DLGAP2: variants seen among roughly 807,000 people sequenced by gnomAD.
DLGAP2 encodes the protein disks large-associated protein 2.
A neutral mutation model predicts 100.3 loss-of-function variants in DLGAP2; 26 were observed. That is an observed-to-expected ratio of 0.26 (90% confidence interval 0.19 to 0.36). The LOEUF is 0.36. Among genes scored for constraint, DLGAP2 ranks in the 10% least tolerant of loss-of-function variants. The pLI, the probability that DLGAP2 is intolerant of heterozygous loss-of-function variation, is 1.00. For missense variants in DLGAP2, 1,858 were observed against 1,453.2 expected, an observed-to-expected ratio of 1.28 and a Z score of -4.53; for synonymous variants, 886 against 630.1, an observed-to-expected ratio of 1.41 and a Z score of -6.08.
At chr8:965,523 C>A (rs544754306) in intron 2 of DLGAP2, among the ~76,000 whole-genome samples, 2 of 128,254 alleles carry the variant, frequency 1.6e-5, no homozygotes, top group South Asian at 5.3e-4. Flanking sequence ...GACCCCTGCG[C>A]TGCACACGGC....
intron 2 of DLGAP2, among the ~76,000 whole-genome samples, chr8:1,184,285 A>G (rs2116709322): frequency 6.6e-6 from 1 of 152,390 alleles, no homozygotes; most frequent in South Asian, 2.1e-4. Context: ...ATTTCAAGAC[A>G]TGAAACTTGG....
chr8:1,518,471 A>T (rs1001515365), intron 4 of DLGAP2, among the ~76,000 whole-genome samples: 1 of 152,228 alleles, frequency 6.6e-6, no homozygotes, highest in African/African-American at 2.4e-5. Flanking sequence ...AGGCACATAG[A>T]ACAAAGCTGA....
intron 2 of DLGAP2, among the ~76,000 whole-genome samples, chr8:1,227,388 C>T (rs1798443855): frequency 6.7e-6 from 1 of 150,030 alleles, no homozygotes; most frequent in African/African-American, 2.5e-5. Context: ...GTTTGTTTTC[C>T]ATTTGATTGA....
At chr8:1,070,407 G>A (rs545370204) in intron 2 of DLGAP2, among the ~76,000 whole-genome samples, 1 of 152,302 alleles carries the variant, frequency 6.6e-6, no homozygotes, top group Non-Finnish European at 1.5e-5. Flanking sequence ...AGGGAGGTGT[G>A]TGGATTTCAC....
chr8:1,215,895 TCATTTGGGTG>T (rs891344959), intron 2 of DLGAP2, among the ~76,000 whole-genome samples: 1 of 148,218 alleles, frequency 6.7e-6, no homozygotes, highest in Admixed American at 6.6e-5. Flanking sequence ...CTCCATGGGT[TCATTTGGGTG>T]CATTACCTGG....
intron 6 of DLGAP2, among the ~76,000 whole-genome samples, chr8:1,597,018 A>T (rs939655619): frequency 6.6e-6 from 1 of 152,076 alleles, no homozygotes; most frequent in African/African-American, 2.4e-5. Flanking sequence ...TAAGTCTTTT[A>T]TCCATCTTGA....
intron 3 of DLGAP2, among the ~76,000 whole-genome samples, chr8:1,452,264 G>A (rs958467269): frequency 1.3e-5 from 2 of 152,156 alleles, no homozygotes; most frequent in Non-Finnish European, 2.9e-5. Flanking sequence ...TGTGTTCTGT[G>A]GCTGGGTGTT....
chr8:1,569,678 T>G (rs929383), intron 6 of DLGAP2, among the ~76,000 whole-genome samples: 11,905 of 152,288 alleles, frequency 0.078, 589 homozygotes, highest in African/African-American at 0.12. Flanking sequence ...TGATGCCTGT[T>G]TTATGGACAG....
rs964087936 is a variant in DLGAP2, at chr8:1,125,214, G to A, written c.74-133637G>A. ...TTACAGCTTCCTCCACACATAATCTGTTACACCGTCAGGGTTGTAAAAATC... is the reference window on the plus strand; with the variant it reads ...TTACAGCTTCCTCCACACATAATCTATTACACCGTCAGGGTTGTAAAAATC... On this transcript the variant is annotated intron_variant, in intron 2 of 14. Coordinates refer to ENST00000637795, the MANE Select transcript of DLGAP2 (RefSeq NM_001346810.2). Among the ~76,000 whole-genome samples, 10 of 152,242 alleles carry A rather than the reference G, an allele frequency of 6.6e-5. No homozygotes were observed. The East Asian group carries it at 1.5e-3, about 24-fold the overall frequency.
At chr8:1,542,373 C>T (rs776641447) in intron 4 of DLGAP2, among the ~76,000 whole-genome samples, 3 of 152,338 alleles carry the variant, frequency 2.0e-5, no homozygotes, top group Middle Eastern at 3.4e-3. Flanking sequence ...CCCCAAAAAG[C>T]AACCCTGTGC....
At chr8:774,273 G>A (rs1475193143) in intron 1 of DLGAP2, among the ~76,000 whole-genome samples, 50 of 152,274 alleles carry the variant, frequency 3.3e-4, no homozygotes, top group African/African-American at 1.1e-3. Context: ...AGTAGGTTGC[G>A]AAAATTTTCT....
chr8:1,362,267 C>G (rs1801999103), intron 3 of DLGAP2, among the ~76,000 whole-genome samples: 4 of 151,976 alleles, frequency 2.6e-5, no homozygotes, highest in Admixed American at 2.6e-4. Context: ...CCACTCAGGG[C>G]CAGGCAGGTA....
chr8:828,817 TCCACGTTCTTCTG>T (rs1278191035), intron 1 of DLGAP2, among the ~76,000 whole-genome samples: 16 of 152,244 alleles, frequency 1.1e-4, no homozygotes, highest in Non-Finnish European at 2.1e-4. Context: ...ATCTTCACAA[TCCACGTTCTTCTG>T]CCATGGCTTC....
At chr8:995,756 G>T (rs1305270301) in intron 2 of DLGAP2, among the ~76,000 whole-genome samples, 3 of 152,172 alleles carry the variant, frequency 2.0e-5, no homozygotes, top group Non-Finnish European at 4.4e-5. Context: ...TCTTATTTAT[G>T]AAAAGTAGAA....
intron 2 of DLGAP2, among the ~76,000 whole-genome samples, chr8:1,133,611 C>T (rs899217322): frequency 9.2e-5 from 14 of 152,056 alleles, no homozygotes. Flanking sequence ...CTTTGCTCAC[C>T]AAGTCAAAAT....
At position 1,559,063 on chromosome 8, in the gene DLGAP2, T is replaced by C. The variant is rs1563220697; in HGVS notation, c.1231-6620T>C. Among the ~76,000 whole-genome samples, 3 of 152,338 alleles carry C rather than the reference T, an allele frequency of 2.0e-5. No individual in the cohort carries two copies. In the East Asian group the frequency reaches 5.8e-4, roughly 29 times the overall value. On this transcript the variant is annotated intron_variant, in intron 5 of 14. Transcript: ENST00000637795. ...AGAAAAGATATTCCAGTTTGTGCAG[T>C]GTTGAACTATCCCTAAAGCAAGTAA...
At chr8:1,409,058 A>C (rs1026881663) in intron 3 of DLGAP2, among the ~76,000 whole-genome samples, 1 of 151,960 alleles carries the variant, frequency 6.6e-6, no homozygotes, top group Admixed American at 6.6e-5. Flanking sequence ...CCACTGCCCA[A>C]CCCCTTCCTC....
chr8:802,009 A>ACGGTCTG (rs1796167291), intron 1 of DLGAP2, among the ~76,000 whole-genome samples: 1 of 71,468 alleles, frequency 1.4e-5, no homozygotes, highest in African/African-American at 4.7e-5. Context: ...AGCCTGAGGA[A>ACGGTCTG]CAGTCCGCAC....
At chr8:1,675,991 C>T (rs758251971) in intron 10 of DLGAP2, among the ~76,000 whole-genome samples, 6 of 152,162 alleles carry the variant, frequency 3.9e-5, no homozygotes, top group African/African-American at 7.2e-5. Flanking sequence ...TCTGATCTGA[C>T]GTCACCCTGC....
Sources: allele counts gnomAD v4.1 joint callset (sites outside exome capture counted in the v4.1 genomes callset), GRCh38; gene constraint gnomAD v4.1.1; transcripts MANE v1.5; gene names NCBI Gene and HGNC (gene_info 2026-07-23, HGNC 2026-07-21).